Variants in LIN7A observed in about 807,000 individuals in gnomAD.
The protein encoded by LIN7A is lin-7 cell polarity scaffold A, also known as protein lin-7 homolog A.
A neutral mutation model predicts 29.8 loss-of-function variants in LIN7A; 25 were observed. The observed-to-expected ratio is 0.84, with a 90% CI of 0.61 to 1.17. LIN7A has a LOEUF of 1.17. LIN7A is among the 50% of genes most tolerant of loss of function. The pLI is 0.00. For synonymous variants in LIN7A, 118 were observed against 107.5 expected, an observed-to-expected ratio of 1.10 and a Z score of -0.60; for missense variants, 239 against 287.0, an observed-to-expected ratio of 0.83 and a Z score of 1.21.
At chr12:80,895,640 C>A (rs1875848417) in intron 1 of LIN7A, among the ~76,000 whole-genome samples, 1 of 152,186 alleles carries the variant, frequency 6.6e-6, no homozygotes, top group Non-Finnish European at 1.5e-5. Flanking sequence ...GCAATTTTGC[C>A]AAGTTGTTTT....
At chr12:80,863,496 T>A (rs1191354605) in intron 2 of LIN7A, among the ~76,000 whole-genome samples, 1 of 152,192 alleles carries the variant, frequency 6.6e-6, no homozygotes, top group East Asian at 1.9e-4. Context: ...CCATAGATTT[T>A]ATTTGGCTTG....
At chr12:80,807,079 T>TG (rs1565883858) in intron 5 of LIN7A, among the ~76,000 whole-genome samples, 1 of 131,916 alleles carries the variant, frequency 7.6e-6, no homozygotes, top group Non-Finnish European at 1.6e-5. Flanking sequence ...TTTTTTTTTT[T>TG]TTTTTTTTTT....
At chr12:80,818,732 T>C (rs112553116) in intron 4 of LIN7A, among the ~76,000 whole-genome samples, 4,736 of 152,258 alleles carry the variant, frequency 0.031, 106 homozygotes, top group Non-Finnish European at 0.051. Flanking sequence ...TAGGAATATA[T>C]AAATACAAAA....
At chr12:80,881,797 A>T (rs1875056004) in intron 2 of LIN7A, among the ~76,000 whole-genome samples, 1 of 152,196 alleles carries the variant, frequency 6.6e-6, no homozygotes, top group Admixed American at 6.5e-5. Flanking sequence ...CTGTATTACA[A>T]ATGAGCCCAT....
At chr12:80,840,998 T>A (rs890410877) in intron 4 of LIN7A, among the ~76,000 whole-genome samples, 1 of 152,214 alleles carries the variant, frequency 6.6e-6, no homozygotes, top group Non-Finnish European at 1.5e-5. Flanking sequence ...GACTACCCCA[T>A]GACTTTTACA....
intron 5 of LIN7A, among the ~76,000 whole-genome samples, chr12:80,803,824 AC>A (rs1258247838): frequency 1.3e-5 from 2 of 152,202 alleles, no homozygotes; most frequent in Non-Finnish European, 2.9e-5. Context: ...AGTATGGGGT[AC>A]TATTTTAAAG....
chr12:80,811,526 A>T lies in LIN7A; in HGVS notation c.641T>A (p.Leu214Ter). The T allele has an allele frequency of 1.2e-6, 2 of 1,611,110 alleles. No individual in the cohort carries two copies. The highest frequency in any genetic ancestry group is 1.7e-6 in the Non-Finnish European group (2 of 1,178,416). The change falls in exon 5 of 6, where the codon TTG becomes TAG. Residue 214 changes from leucine (L) to a stop codon, truncating the protein, a stop_gained. Coordinates refer to ENST00000552864, the MANE Select transcript of LIN7A (RefSeq NM_004664.4). LOFTEE classifies it high-confidence loss of function. ...RTARRRQQQQ[L>*]LIQQQQQQQQ... is the part of the protein sequence containing the mutation. ...CTGCTGTTGCTGCTGCTGAATTAGC[A>T]ATTGCTGCTGCTGCCGACGCCTGGC...
intron 1 of LIN7A, among the ~76,000 whole-genome samples, chr12:80,932,195 T>G (rs934795284): frequency 6.6e-6 from 1 of 152,318 alleles, no homozygotes; most frequent in East Asian, 1.9e-4. Flanking sequence ...AGAGAAAAAT[T>G]GTAATGTATC....
chr12:80,843,200 C>G (rs1483203266), intron 4 of LIN7A, among the ~76,000 whole-genome samples: 1 of 152,120 alleles, frequency 6.6e-6, no homozygotes, highest in Non-Finnish European at 1.5e-5. Flanking sequence ...TGGAGACATT[C>G]CTCACCTTTG....
At chr12:80,869,446 C>G in intron 2 of LIN7A, among the ~76,000 whole-genome samples, 1 of 152,102 alleles carries the variant, frequency 6.6e-6, no homozygotes, top group Non-Finnish European at 1.5e-5. Flanking sequence ...GGGGCGGATT[C>G]ATCTTCAGGC....
intron 4 of LIN7A, among the ~76,000 whole-genome samples, chr12:80,836,564 G>A (rs913003363): frequency 8.1e-5 from 12 of 148,686 alleles, no homozygotes; most frequent in African/African-American, 2.9e-4. Context: ...GCTGAGGTGG[G>A]AGGATTGCTT....
chr12:80,876,099 AG>A (rs1395157160), intron 2 of LIN7A, among the ~76,000 whole-genome samples: 3 of 151,944 alleles, frequency 2.0e-5, no homozygotes, highest in Admixed American at 6.6e-5. Context: ...AGAAAGAGAG[AG>A]ACAGACAGAG....
rs542406202 is a variant in LIN7A at position 80,796,531 on chromosome 12, T to C, written c.*1196A>G. ...GAATATATTAAAGTTGGTGATTTTATTTTATTTTTCTAGAGGAAGCAGCAT... is the reference window on the plus strand; with the variant it reads ...GAATATATTAAAGTTGGTGATTTTACTTTATTTTTCTAGAGGAAGCAGCAT... On this transcript the variant is annotated 3_prime_UTR_variant, in exon 6 of 6. Transcript: ENST00000552864. 6.6e-6 allele frequency: 1 copy of C among 152,194 alleles called. No individual in the cohort carries two copies. Among genetic ancestry groups the C allele is most frequent in the South Asian group, 2.1e-4 (1 of 4,824 alleles). 9.4% of individuals were successfully genotyped at this position (152,194 alleles called of 1,614,324 possible). A position where few individuals can be genotyped will look rare whatever the true frequency, so the allele number is the denominator to read the frequency against.
chr12:80,926,914 C>G (rs1447374883), intron 1 of LIN7A, among the ~76,000 whole-genome samples: 5 of 111,232 alleles, frequency 4.5e-5, no homozygotes, highest in African/African-American at 1.9e-4. Context: ...GGAGACAGTG[C>G]GAGACTCCAT....
intron 4 of LIN7A, among the ~76,000 whole-genome samples, chr12:80,828,800 G>GT (rs1565892603): frequency 1.3e-5 from 2 of 151,676 alleles, no homozygotes; most frequent in East Asian, 3.9e-4. Context: ...AATAAATGTG[G>GT]GGTGTGTGTG....
At chr12:80,842,259 T>C (rs139021943) in intron 4 of LIN7A, 1 of 469,646 alleles carries the variant, frequency 2.1e-6, no homozygotes, top group African/African-American at 2.1e-5. Context: ...TATATATATA[T>C]TTCTGTCCTA....
At chr12:80,895,191 G>A (rs1338836185) in intron 1 of LIN7A, among the ~76,000 whole-genome samples, 1 of 152,126 alleles carries the variant, frequency 6.6e-6, no homozygotes, top group Non-Finnish European at 1.5e-5. Context: ...ATTGAAAGAT[G>A]ATCACATCAT....
rs1259863517 is a variant in LIN7A at position 80,794,978 on chromosome 12, AG to A, written c.*2748del. Reference sequence around the variant, plus strand: ...ATCCCACCGGCCACTGACCTAAAAAAGGGAAAAAATTAAATTTCACCAGGAT... The same window carrying A: ...ATCCCACCGGCCACTGACCTAAAAAAGGAAAAAATTAAATTTCACCAGGAT... On this transcript the variant is annotated 3_prime_UTR_variant, in exon 6 of 6. Transcript: ENST00000552864. 6.6e-6 allele frequency: 1 copy of A among 152,194 alleles called. No individual in the cohort carries two copies. Among genetic ancestry groups the A allele is most frequent in the Admixed American group, 6.6e-5 (1 of 15,262 alleles). The allele number at this position is 152,194 out of a possible 1,614,324, so 9.4% of individuals were successfully genotyped here.
intron 5 of LIN7A, among the ~76,000 whole-genome samples, chr12:80,806,213 G>A (rs1870980699): frequency 6.6e-6 from 1 of 152,016 alleles, no homozygotes; most frequent in Non-Finnish European, 1.5e-5. Flanking sequence ...GCGTGAAAAT[G>A]AACTAATACA....
Sources: allele counts gnomAD v4.1 joint callset (sites outside exome capture counted in the v4.1 genomes callset), GRCh38; gene constraint gnomAD v4.1.1; transcripts MANE v1.5; gene names NCBI Gene and HGNC (gene_info 2026-07-23, HGNC 2026-07-21).